ARFGEF1: variants seen among roughly 807,000 people sequenced by gnomAD.
The protein encoded by ARFGEF1 is ARF guanine nucleotide exchange factor 1.
ARFGEF1 carries 42 observed loss-of-function variants against 231.0 expected under a neutral mutation model. The ratio of observed to expected loss-of-function variants is 0.18; its 90% CI spans 0.14 to 0.24. The LOEUF (loss-of-function observed/expected upper bound fraction) is 0.24. Among genes scored for constraint, ARFGEF1 ranks in the 10% least tolerant of loss-of-function variants. ARFGEF1 has a pLI of 1.00. For missense variants in ARFGEF1, 1,345 were observed against 2,192.0 expected (o/e 0.61, Z 7.72); for synonymous variants, 710 against 732.3 (o/e 0.97, Z 0.49).
At chr8:67,317,929 T>TA (rs985058213) in intron 1 of ARFGEF1, among the ~76,000 whole-genome samples, 17 of 145,042 alleles carry the variant, frequency 1.2e-4, no homozygotes, top group Admixed American at 1.0e-3. Context: ...TCAACCCCTG[T>TA]AATCTACCAT....
At chr8:67,189,747 T>G (rs767789893) in intron 5 of ARFGEF1, among the ~76,000 whole-genome samples, 10 of 152,196 alleles carry the variant, frequency 6.6e-5, no homozygotes, top group Non-Finnish European at 1.0e-4. Context: ...CAAAGAGGCT[T>G]GGCAATAACA....
Position 67,296,596 on chromosome 8 carries a change from T to C in ARFGEF1, c.474A>G (p.Ala158=). ...QLQIIKALLT[A]VTSQHIEIHE... ...GAATTTCTATGTGTTGTGATGTTAC[T>C]GCAGTAAGTAAAGCCTTTAAGAAAA... Residue 158 remains alanine (A), a synonymous_variant, in exon 5 of 39, where the codon GCA becomes GCG. Transcript: ENST00000262215. 6.2e-7 allele frequency: 1 copy of C among 1,604,700 alleles called. No individual in the cohort carries two copies.
chr8:67,296,251 G>A (rs570627511), intron 5 of ARFGEF1, among the ~76,000 whole-genome samples, 180 bp downstream of exon 5: 1 of 152,048 alleles, frequency 6.6e-6, no homozygotes, highest in African/African-American at 2.4e-5. Flanking sequence ...AAGTTAAGTC[G>A]GTAAACCTTA....
chr8:67,237,488 T>G (rs1044743261), intron 22 of ARFGEF1, among the ~76,000 whole-genome samples: 5 of 152,174 alleles, frequency 3.3e-5, no homozygotes, highest in African/African-American at 1.2e-4. Flanking sequence ...GAATTTTCAC[T>G]GCTAGCAGCA....
intron 6 of ARFGEF1, 115 bp downstream of exon 6, chr8:67,291,732 T>C (rs1361698797): frequency 3.7e-6 from 5 of 1,353,560 alleles, no homozygotes; most frequent in South Asian, 1.5e-5. Context: ...ATTACCACAA[T>C]GTGTCTGACA....
chr8:67,294,915 C>A (rs1319896893), intron 5 of ARFGEF1, among the ~76,000 whole-genome samples: 2 of 151,978 alleles, frequency 1.3e-5, no homozygotes, highest in African/African-American at 4.8e-5. Context: ...GTGGTTGATT[C>A]CAAGGCTGAA....
Position 67,301,331 on chromosome 8 carries a change from T to G in ARFGEF1, c.205A>C (p.Lys69Gln). 1 of 1,614,112 alleles carries G rather than the reference T, an allele frequency of 6.2e-7. No homozygotes were observed. Among genetic ancestry groups the G allele is most frequent in the Non-Finnish European group, 8.5e-7 (1 of 1,180,000 alleles). ...GCTTCAATAAAATTTGTCTTTGATT[T>G]CACTGGTGGAAGGGTGCTTGATCCA... ...KAGSSTLPPVKSKTNFIEADK... is the reference protein window; with the variant it reads ...KAGSSTLPPVQSKTNFIEADK... The change falls in exon 3 of 39, where the codon AAA becomes CAA. Residue 69 changes from lysine to glutamine, a missense_variant. By Grantham distance (53) the Lys-to-Gln change is moderately conservative. This residue lies in a region of ARFGEF1 where 398 missense variants were observed against 463.2 expected (regional missense o/e 0.86). Transcript: ENST00000262215.
rs1164083868 is a variant in ARFGEF1 at position 67,241,579 on chromosome 8, T to A, written c.2851-1289A>T. On this transcript the variant is annotated intron_variant, in intron 19 of 38. Transcript: ENST00000262215. ...AATAGTTAAACTGTGCACTCATAACTGTACGAACCTTTGTGGAACACCGTT... is the reference window on the plus strand; with the variant it reads ...AATAGTTAAACTGTGCACTCATAACAGTACGAACCTTTGTGGAACACCGTT... 2.6e-5 allele frequency among the ~76,000 whole-genome samples: 4 copies of A among 152,172 alleles called. No homozygotes were observed. The East Asian group carries it at 7.7e-4, about 29-fold the overall frequency.
At chr8:67,258,818 TACACACACAC>T (rs10576509) in intron 15 of ARFGEF1, among the ~76,000 whole-genome samples, 16 of 143,036 alleles carry the variant, frequency 1.1e-4, no homozygotes, top group Admixed American at 2.8e-4. Flanking sequence ...AAGCAGATTT[TACACACACAC>T]ACACACACAC....
rs761529850 is a variant in ARFGEF1, at chr8:67,276,056, T to C, written c.1257A>G (p.Leu419=). Reference sequence around the variant, plus strand: ...TGAATACTAGAAAGGCATCCTTTTGTAAAATGTGGGAAAACTTAGCACCAG... The same window carrying C: ...TGAATACTAGAAAGGCATCCTTTTGCAAAATGTGGGAAAACTTAGCACCAG... The part of the protein sequence containing the change: ...PSPGAKFSHI[L]QKDAFLVFRS... The change falls in exon 9 of 39, where the codon TTA becomes TTG. Residue 419 remains leucine, a synonymous_variant. Coordinates refer to ENST00000262215, the MANE Select transcript of ARFGEF1 (RefSeq NM_006421.5). 7.4e-6 allele frequency: 12 copies of C among 1,613,514 alleles called. No homozygotes were observed. In the South Asian group the frequency reaches 1.2e-4, roughly 16 times the overall value.
At chr8:67,233,098 A>G (rs1839605780) in intron 22 of ARFGEF1, among the ~76,000 whole-genome samples, 153 bp from the exon 23 acceptor site, 1 of 152,080 alleles carries the variant, frequency 6.6e-6, no homozygotes, top group Non-Finnish European at 1.5e-5. Context: ...TGACATGAAC[A>G]AGGCCAAATG....
chr8:67,208,691 T>A (rs951542096), intron 34 of ARFGEF1, among the ~76,000 whole-genome samples: 2 of 143,674 alleles, frequency 1.4e-5, no homozygotes, highest in Admixed American at 1.4e-4. Context: ...TTGGGGGAAA[T>A]GCTCATGACC....
At chr8:67,250,251 C>T (rs74634992) in intron 19 of ARFGEF1, among the ~76,000 whole-genome samples, 2,471 of 152,100 alleles carry the variant, frequency 0.016, 70 homozygotes, top group African/African-American at 0.057. Flanking sequence ...TCTCTATAAA[C>T]GGGTAAGAGG....
chr8:67,219,289 T>A, intron 30 of ARFGEF1, 142 bp downstream of exon 30: 16 of 919,758 alleles, frequency 1.7e-5, no homozygotes, highest in Non-Finnish European at 2.3e-5. Context: ...TATAAAGACA[T>A]AGTATTACAT....
At chr8:67,266,380 CTG>C (rs1325497539) in intron 13 of ARFGEF1, among the ~76,000 whole-genome samples, 173 bp from the exon 14 acceptor site, 2 of 152,146 alleles carry the variant, frequency 1.3e-5, no homozygotes, top group Non-Finnish European at 2.9e-5. Context: ...TTAAAACACA[CTG>C]TAATTTGTAC....
intron 1 of ARFGEF1, among the ~76,000 whole-genome samples, chr8:67,334,463 A>ACTT (rs1381426443): frequency 6.6e-6 from 1 of 152,192 alleles, no homozygotes; most frequent in African/African-American, 2.4e-5. Context: ...ATTTGAAGAA[A>ACTT]CGGGAAGCCT....
At chr8:67,270,369 A>G (rs1028242426) in intron 10 of ARFGEF1, among the ~76,000 whole-genome samples, 1 of 152,194 alleles carries the variant, frequency 6.6e-6, no homozygotes, top group Non-Finnish European at 1.5e-5. Context: ...CTTGATAGCT[A>G]TTACAGAACA....
rs146921758 is a variant in ARFGEF1, at chr8:67,296,696, G to A, written c.460-86C>T. On this transcript the variant is annotated intron_variant, in intron 4 of 38. Transcript: ENST00000262215. Reference sequence around the variant, plus strand: ...CAGTCTTTCTCGCTCTGTCACCCAGGCTGGAGTGCAGTAGTGTGATCATAG... The same window carrying A: ...CAGTCTTTCTCGCTCTGTCACCCAGACTGGAGTGCAGTAGTGTGATCATAG... 641 of 1,095,772 alleles carry A rather than the reference G, an allele frequency of 5.8e-4. 1 individual carries two copies. The African/African-American group carries it at 9.4e-3, about 16-fold the overall frequency. 67.9% of individuals were successfully genotyped at this position (1,095,772 alleles called of 1,614,324 possible). A position where few individuals can be genotyped will look rare whatever the true frequency, so the allele number is the denominator to read the frequency against.
intron 5 of ARFGEF1, among the ~76,000 whole-genome samples, chr8:67,185,520 C>T (rs1328076009): frequency 1.3e-5 from 2 of 152,132 alleles, no homozygotes; most frequent in Non-Finnish European, 2.9e-5. Context: ...CCCTTGGGGG[C>T]TTTGAAATAA....
Sources: gnomAD v4.1 joint callset for allele counts (sites outside exome capture counted in the v4.1 genomes callset) on GRCh38, gnomAD v4.1.1 for gene constraint, gnomAD v4.1.1 regional missense constraint, MANE v1.5 for transcripts, NCBI Gene and HGNC (gene_info 2026-07-23, HGNC 2026-07-21) for gene names.